TENM3: variants seen among roughly 807,000 people sequenced by gnomAD.
The protein encoded by TENM3 is teneurin transmembrane protein 3.
A neutral mutation model predicts 255.1 loss-of-function variants in TENM3; 63 were observed. The ratio of observed to expected loss-of-function variants is 0.25; its 90% CI spans 0.20 to 0.30. The LOEUF is 0.30. Among genes scored for constraint, TENM3 ranks in the 10% least tolerant of loss-of-function variants. The pLI is 1.00. For missense variants in TENM3, 2,929 were observed against 3,461.1 expected, an observed-to-expected ratio of 0.85 and a Z score of 3.86; for synonymous variants, 1,306 against 1,322.3, an observed-to-expected ratio of 0.99 and a Z score of 0.27.
chr4:182,457,989 G>A (rs1189782958), intron 3 of TENM3, among the ~76,000 whole-genome samples: 1 of 152,178 alleles, frequency 6.6e-6, no homozygotes, highest in African/African-American at 2.4e-5. Flanking sequence ...TATGATACCA[G>A]TCTATAACTT....
chr4:182,130,134 T>C, the TENM3 span, among the ~76,000 whole-genome samples: 1 of 152,178 alleles, frequency 6.6e-6, no homozygotes, highest in African/African-American at 2.4e-5. Context: ...GTCTCAGATA[T>C]CATAACTACA....
At chr4:181,979,126 A>G in the TENM3 span, among the ~76,000 whole-genome samples, 1 of 102,490 alleles carries the variant, frequency 9.8e-6, no homozygotes, top group African/African-American at 3.8e-5. Context: ...ATATATATAT[A>G]TATATATATA....
intron 13 of TENM3, among the ~76,000 whole-genome samples, chr4:182,726,432 A>T (rs1307015059): frequency 6.6e-6 from 1 of 152,092 alleles, no homozygotes; most frequent in African/African-American, 2.4e-5. Context: ...TTGCCTGGGG[A>T]TGGCTCCATT....
At chr4:182,306,419 T>C (rs1023969559) in intron 1 of TENM3, among the ~76,000 whole-genome samples, 3 of 152,170 alleles carry the variant, frequency 2.0e-5, no homozygotes, top group Admixed American at 1.3e-4. Flanking sequence ...CGTGAAAATG[T>C]TTATAAGTTA....
intron 1 of TENM3, among the ~76,000 whole-genome samples, chr4:182,190,651 A>G (rs1753457500): frequency 6.6e-6 from 1 of 152,156 alleles, no homozygotes; most frequent in Non-Finnish European, 1.5e-5. Flanking sequence ...ATTGTTTCCA[A>G]GCTCTGACTT....
chr4:181,892,474 A>G, the TENM3 span, among the ~76,000 whole-genome samples: 1 of 152,170 alleles, frequency 6.6e-6, no homozygotes, highest in Non-Finnish European at 1.5e-5. Flanking sequence ...AAAAATCTAT[A>G]TTAGCTTCTT....
the TENM3 span, among the ~76,000 whole-genome samples, chr4:181,760,131 G>C: frequency 6.6e-6 from 1 of 151,916 alleles, no homozygotes; most frequent in Admixed American, 6.6e-5. Flanking sequence ...GAGATTTACA[G>C]ACCATATACT....
intron 1 of TENM3, among the ~76,000 whole-genome samples, chr4:182,148,215 AC>A (rs1750093025): frequency 6.6e-6 from 1 of 152,088 alleles, no homozygotes; most frequent in African/African-American, 2.4e-5. Context: ...AATTTTAGAT[AC>A]AGCATTCCAC....
At chr4:182,666,249 A>G (rs1007193933) in intron 6 of TENM3, among the ~76,000 whole-genome samples, 2 of 152,214 alleles carry the variant, frequency 1.3e-5, no homozygotes, top group South Asian at 2.1e-4. Flanking sequence ...TGAAATAACA[A>G]CAAAGGATTT....
intron 12 of TENM3, among the ~76,000 whole-genome samples, chr4:182,703,940 C>G (rs1419069190): frequency 6.6e-6 from 1 of 152,202 alleles, no homozygotes; most frequent in Non-Finnish European, 1.5e-5. Context: ...ACTATCCAGA[C>G]ACCACTGTAA....
At chr4:182,753,788 A>T (rs535682279) in intron 21 of TENM3, among the ~76,000 whole-genome samples, 184 bp downstream of exon 21, 1 of 152,196 alleles carries the variant, frequency 6.6e-6, no homozygotes, top group African/African-American at 2.4e-5. Flanking sequence ...ATAATTCTAC[A>T]TTTGATGAAT....
At chr4:182,729,658 A>G (rs1760530559) in intron 14 of TENM3, among the ~76,000 whole-genome samples, 1 of 152,224 alleles carries the variant, frequency 6.6e-6, no homozygotes, top group East Asian at 1.9e-4. Flanking sequence ...AGTAAGTGAA[A>G]GCAGGTGTCT....
the TENM3 span, among the ~76,000 whole-genome samples, chr4:181,549,981 C>T: frequency 2.0e-5 from 3 of 151,954 alleles, no homozygotes; most frequent in Non-Finnish European, 4.4e-5. Context: ...TATAATGTGT[C>T]TCGTCAGCAT....
At position 182,418,591 on chromosome 4, in the gene TENM3, CACCCTGTT is replaced by C. The variant is rs150824414; in HGVS notation, c.511+71667_511+71674del. Reference sequence around the variant, plus strand: ...TTGTTTGTGTTTTTGAGACGGGCCTCACCCTGTTACCCAGCCTGGAGTGTGGTGGCACT... The same window carrying C: ...TTGTTTGTGTTTTTGAGACGGGCCTCACCCAGCCTGGAGTGTGGTGGCACT... On this transcript the variant is annotated intron_variant, in intron 3 of 27. Coordinates refer to ENST00000511685, the MANE Select transcript of TENM3 (RefSeq NM_001080477.4). Among the ~76,000 whole-genome samples, 1,513 of 152,262 alleles carry C rather than the reference CACCCTGTT, an allele frequency of 9.9e-3. 82 individuals are homozygous for C. The highest frequency in any genetic ancestry group is 0.08 in the Admixed American group (1,227 of 15,274).
rs181936356 is a variant in TENM3 at position 182,222,457 on chromosome 4, T to C, written c.-76+77703T>C. The stretch of plus-strand genomic sequence containing the variant: ...TTCTGTGTGTGCTTGCATGTGGCCA[T>C]GTGCCTTTAGCTTCTTGGTTTGTTC... On this transcript the variant is annotated intron_variant, in intron 1 of 2. Coordinates refer to the TENM3 transcript ENST00000512480. Among the ~76,000 whole-genome samples, 208 of 152,360 alleles carry C rather than the reference T, an allele frequency of 1.4e-3. 1 individual carries two copies. The highest frequency in any genetic ancestry group is 4.6e-3 in the African/African-American group (192 of 41,590).
intron 3 of TENM3, among the ~76,000 whole-genome samples, chr4:182,415,105 T>C (rs1770274350): frequency 6.6e-6 from 1 of 152,222 alleles, no homozygotes; most frequent in Non-Finnish European, 1.5e-5. Context: ...CCATTAAGTC[T>C]ATTTTTTTCC....
chr4:181,465,837 C>A, the TENM3 span, among the ~76,000 whole-genome samples: 2 of 152,172 alleles, frequency 1.3e-5, no homozygotes, highest in Non-Finnish European at 2.9e-5. Flanking sequence ...GCACACATCA[C>A]ATCACACCAT....
chr4:182,518,375 G>A (rs1738218407), intron 3 of TENM3, among the ~76,000 whole-genome samples: 1 of 152,142 alleles, frequency 6.6e-6, no homozygotes, highest in Admixed American at 6.5e-5. Context: ...ATATGGGAAA[G>A]GGGTTTGTAA....
At chr4:181,865,093 G>A in the TENM3 span, among the ~76,000 whole-genome samples, 488 of 152,284 alleles carry the variant, frequency 3.2e-3, 3 homozygotes, top group African/African-American at 0.011. Flanking sequence ...TGACTTACAA[G>A]CATCTTTCAC....
Sources: gnomAD v4.1 joint callset for allele counts (sites outside exome capture counted in the v4.1 genomes callset) on GRCh38, gnomAD v4.1.1 for gene constraint, MANE v1.5 for transcripts, NCBI Gene and HGNC (gene_info 2026-07-23, HGNC 2026-07-21) for gene names.